ROS1: variants seen among roughly 807,000 people sequenced by gnomAD.
ROS1 encodes the protein ROS proto-oncogene 1, receptor tyrosine kinase.
Under a neutral mutation model 273.5 loss-of-function variants are expected in ROS1, and 263 were observed. The ratio of observed to expected loss-of-function variants is 0.96; its 90% CI spans 0.87 to 1.06. ROS1 has a LOEUF of 1.06. ROS1 is among the 50% of genes least tolerant of loss of function. The probability of loss-of-function intolerance (pLI) is 0.00; values close to 1 mark genes in which losing one functional copy is unlikely to be tolerated. For synonymous variants in ROS1, 1,008 were observed against 954.1 expected (o/e 1.06, Z -1.04); for missense variants, 2,833 against 2,751.1 (o/e 1.03, Z -0.67).
At chr6:117,325,533 T>C (rs184355864) in intron 34 of ROS1, among the ~76,000 whole-genome samples, 1 of 152,284 alleles carries the variant, frequency 6.6e-6, no homozygotes, top group East Asian at 1.9e-4. Context: ...GGAGAGCCAT[T>C]GTGGGTATTT....
intron 27 of ROS1, 48 bp from the exon 28 acceptor site, chr6:117,344,310 G>A: frequency 1.6e-6 from 2 of 1,282,940 alleles, no homozygotes; most frequent in Non-Finnish European, 2.2e-6. Context: ...CTATATATAT[G>A]AGAGGAAAAG....
intron 38 of ROS1, 30 bp from the exon 39 acceptor site, chr6:117,317,302 A>T (rs748902989): frequency 6.3e-7 from 1 of 1,599,784 alleles, no homozygotes; most frequent in Non-Finnish European, 8.5e-7. Context: ...AGGCTGGATG[A>T]TATGACAGAA....
At chr6:117,412,999 G>C (rs1442126427) in intron 4 of ROS1, among the ~76,000 whole-genome samples, 2 of 151,914 alleles carry the variant, frequency 1.3e-5, no homozygotes, top group African/African-American at 4.8e-5. Flanking sequence ...CTTTACATAT[G>C]GGTGACTTTT....
intron 12 of ROS1, among the ~76,000 whole-genome samples, chr6:117,392,688 G>A (rs112641874): frequency 2.0e-5 from 3 of 152,076 alleles, no homozygotes; most frequent in East Asian, 1.9e-4. Flanking sequence ...GCAAGACTGC[G>A]GTACAATGTG....
chr6:117,308,647 A>G (rs1216406491), intron 42 of ROS1, 147 bp downstream of exon 42: 1 of 734,200 alleles, frequency 1.4e-6, no homozygotes, highest in East Asian at 2.8e-5. Context: ...ACAAATTGAC[A>G]CAATGAATTG....
chr6:117,349,968 G>A (rs891011829), intron 27 of ROS1, among the ~76,000 whole-genome samples: 2 of 151,832 alleles, frequency 1.3e-5, no homozygotes, highest in Non-Finnish European at 2.9e-5. Flanking sequence ...ACATACATAA[G>A]TGGATATAAT....
intron 43 of ROS1, among the ~76,000 whole-genome samples, chr6:117,295,945 C>T (rs1045507405): frequency 6.6e-6 from 1 of 152,196 alleles, no homozygotes; most frequent in Non-Finnish European, 1.5e-5. Context: ...CCTCAAACAA[C>T]TGAAAATAGA....
chr6:117,369,976 T>C (rs1459838296), intron 18 of ROS1, among the ~76,000 whole-genome samples: 1 of 152,174 alleles, frequency 6.6e-6, no homozygotes, highest in Admixed American at 6.5e-5. Context: ...TGTATATACA[T>C]ATATGTACAT....
In ROS1 at chr6:117,397,069, C is replaced by T. The variant is rs777419401; in HGVS notation, c.652G>A (p.Asp218Asn). The change falls in exon 8 of 44, where the codon GAC (aspartate) becomes AAC (asparagine). Residue 218 changes from aspartate to asparagine, a missense_variant. Asp to Asn is a conservative substitution (Grantham distance 23). Coordinates refer to ENST00000368507, the MANE Select transcript of ROS1 (RefSeq NM_001378902.1). ...LIRNIESSSP[D>N]TVEVSWDPPQ... Reference sequence around the variant, plus strand: ...GGATCCCAGCTGACTTCCACAGTGTCGGGACTTGAGCTCTCAATATTCCTA... The same window carrying T: ...GGATCCCAGCTGACTTCCACAGTGTTGGGACTTGAGCTCTCAATATTCCTA... 9.3e-6 allele frequency: 15 copies of T among 1,613,750 alleles called. No individual in the cohort carries two copies. Among genetic ancestry groups the T allele is most frequent in the Admixed American group, 1.7e-5 (1 of 59,976 alleles).
At chr6:117,401,818 A>AAAC (rs1554253517) in intron 7 of ROS1, among the ~76,000 whole-genome samples, 2 of 151,474 alleles carry the variant, frequency 1.3e-5, no homozygotes, top group South Asian at 2.1e-4. Flanking sequence ...AAAAAAAAAA[A>AAAC]AAAAAACAGG....
At chr6:117,342,369 T>C in intron 29 of ROS1, 31 bp downstream of exon 29, 6 of 1,601,812 alleles carry the variant, frequency 3.7e-6, no homozygotes, top group Non-Finnish European at 5.1e-6. Context: ...AATATTCTGC[T>C]TGAGAAACCC....
At chr6:117,388,637 C>T (rs901791382) in intron 13 of ROS1, among the ~76,000 whole-genome samples, 13 of 152,232 alleles carry the variant, frequency 8.5e-5, no homozygotes, top group South Asian at 2.1e-4. Flanking sequence ...CACACTACAA[C>T]GACATAATTG....
intron 26 of ROS1, among the ~76,000 whole-genome samples, chr6:117,355,782 T>C (rs1779256742): frequency 6.6e-6 from 1 of 152,054 alleles, no homozygotes; most frequent in Non-Finnish European, 1.5e-5. Flanking sequence ...AGCTAATTTT[T>C]GTATTTTTAG....
chr6:117,296,885 A>G (rs911830793), intron 43 of ROS1, among the ~76,000 whole-genome samples: 1 of 152,188 alleles, frequency 6.6e-6, no homozygotes, highest in African/African-American at 2.4e-5. Flanking sequence ...TACACATTAC[A>G]TGCCTGTATC....
At chr6:117,300,873 C>A (rs542445998) in intron 43 of ROS1, 101 bp downstream of exon 43, 3 of 880,010 alleles carry the variant, frequency 3.4e-6, no homozygotes, top group Non-Finnish European at 3.3e-6. Flanking sequence ...GTATATTATT[C>A]TTTTTGCCTA....
intron 42 of ROS1, among the ~76,000 whole-genome samples, chr6:117,305,106 A>G (rs113312272): frequency 7.9e-5 from 12 of 152,234 alleles, no homozygotes; most frequent in Non-Finnish European, 1.3e-4. Context: ...CAGCTTCTTT[A>G]TAAGTTACCA....
At chr6:117,389,218 C>G (rs1273149200) in intron 13 of ROS1, 132 bp downstream of exon 13, 1 of 1,025,056 alleles carries the variant, frequency 9.8e-7, no homozygotes, top group Non-Finnish European at 1.4e-6. Flanking sequence ...TTTTTTTTAG[C>G]TAAGTAGCTG....
intron 18 of ROS1, among the ~76,000 whole-genome samples, chr6:117,376,570 A>T (rs1781349503): frequency 6.6e-6 from 1 of 152,156 alleles, no homozygotes; most frequent in Non-Finnish European, 1.5e-5. Context: ...TTAAAAATGT[A>T]TAAGATACAA....
intron 27 of ROS1, among the ~76,000 whole-genome samples, chr6:117,346,060 A>G (rs1203361685): frequency 6.6e-6 from 1 of 152,168 alleles, no homozygotes; most frequent in Non-Finnish European, 1.5e-5. Flanking sequence ...TTCAACCAAT[A>G]TTTATCCAAT....
Sources: gnomAD v4.1 joint callset for allele counts (sites outside exome capture counted in the v4.1 genomes callset) on GRCh38, gnomAD v4.1.1 for gene constraint, MANE v1.5 for transcripts, NCBI Gene and HGNC (gene_info 2026-07-23, HGNC 2026-07-21) for gene names.